The following HECTD3 variants were observed in gnomAD, a reference collection of about 807,000 sequenced individuals.
HECTD3 encodes HECT domain E3 ubiquitin protein ligase 3.
In HECTD3, 72 loss-of-function variants were observed where a neutral mutation model predicts 109.3. That is an observed-to-expected ratio of 0.66 (90% CI 0.54 to 0.80). The LOEUF (loss-of-function observed/expected upper bound fraction) is 0.80. Among genes scored for constraint, HECTD3 ranks in the 30% least tolerant of loss-of-function variants. The pLI is 0.00. For synonymous variants in HECTD3, 481 were observed against 471.8 expected, an observed-to-expected ratio of 1.02 and a Z score of -0.25; for missense variants, 1,041 against 1,165.2, an observed-to-expected ratio of 0.89 and a Z score of 1.55.
In HECTD3 at chr1:45,006,645, C is replaced by A; in HGVS notation, c.1725+47G>T. 6.6e-7 allele frequency: 1 copy of A among 1,522,220 alleles called. No individual in the cohort carries two copies. The highest frequency in any genetic ancestry group is 1.2e-5 in the South Asian group (1 of 84,960). 94.3% of individuals were successfully genotyped at this position (1,522,220 alleles called of 1,614,324 possible). A position where few individuals can be genotyped will look rare whatever the true frequency, so the allele number is the denominator to read the frequency against. Reference sequence around the variant, plus strand: ...GCCCCCTCCTCTGCCCCCTTTCTAGCTCAATCTGGCACCTGGGAGGTTTGC... The same window carrying A: ...GCCCCCTCCTCTGCCCCCTTTCTAGATCAATCTGGCACCTGGGAGGTTTGC... On this transcript the variant is annotated intron_variant, in intron 13 of 20. Transcript: ENST00000372172. This position sits in a 1 kb window ranked among gnomAD's most constrained non-coding sequence, Gnocchi z 4.7.
chr1:45,010,324 G>A (rs1181430374), intron 2 of HECTD3, 31 bp from the exon 3 acceptor site: 16 of 1,599,576 alleles, frequency 1.0e-5, no homozygotes, highest in Non-Finnish European at 1.4e-5. Context: ...GTGGGATGGG[G>A]AGACATCAGC....
Position 45,008,335 on chromosome 1 carries a change from AT to A in HECTD3, c.1239-15del. On this transcript the variant is annotated splice_polypyrimidine_tract_variant and intron_variant, in intron 8 of 20. Coordinates refer to ENST00000372172, the MANE Select transcript of HECTD3 (RefSeq NM_024602.6). ...ATCTTGATGAATCTGGCATGGGTAG[AT>A]AGACTGCAGCTAAAGAGTTTAGCAT... 6.2e-7 allele frequency: 1 copy of A among 1,609,220 alleles called. No individual in the cohort carries two copies. Among genetic ancestry groups the A allele is most frequent in the East Asian group, 2.2e-5 (1 of 44,844 alleles).
At chr1:45,005,533 G>C in intron 15 of HECTD3, 1 of 381,468 alleles carries the variant, frequency 2.6e-6, no homozygotes, top group Non-Finnish European at 4.7e-6. Context: ...AGAAGATAAA[G>C]AACACACTGA....
chr1:45,005,676 G>T (rs979346581), intron 15 of HECTD3, 118 bp downstream of exon 15: 12 of 779,606 alleles, frequency 1.5e-5, no homozygotes, highest in Non-Finnish European at 2.5e-5. Context: ...AGCCATGGGA[G>T]TGGATGGATT....
chr1:45,007,410 G>A lies in HECTD3; in HGVS notation c.1503+3C>T, dbSNP rs1192001748. The A allele has an allele frequency of 1.9e-6, 3 of 1,613,978 alleles. No individual in the cohort carries two copies. The highest frequency in any genetic ancestry group is 2.5e-6 in the Non-Finnish European group (3 of 1,180,002). On this transcript the variant is annotated splice_donor_region_variant and intron_variant, in intron 10 of 20. Coordinates refer to ENST00000372172, the MANE Select transcript of HECTD3 (RefSeq NM_024602.6). ...TCTCAGTCGGACCCTAGGTGGTGCA[G>A]ACCTGGGTGAAGACTGCATTCTTGC...
rs1644737329 is a variant in HECTD3, at chr1:45,006,554, G to A, written c.1725+138C>T. 8 of 674,214 alleles carry A rather than the reference G, an allele frequency of 1.2e-5. No homozygotes were observed. In the South Asian group the frequency reaches 1.2e-4, roughly 10 times the overall value. 41.8% of individuals were successfully genotyped at this position (674,214 alleles called of 1,614,324 possible). ...CCTGACCTCGTGATCTGCCCGCCTC[G>A]GCTTCCCAAAGTGCTGGGATTACAG... On this transcript the variant is annotated intron_variant, in intron 13 of 20. Transcript: ENST00000372172. The surrounding 1 kb of genome is among the most constrained non-coding windows in gnomAD (Gnocchi z 4.7).
At position 45,007,005 on chromosome 1, in the gene HECTD3, G is replaced by A. The variant is rs372991421; in HGVS notation, c.1567C>T (p.Arg523Cys). 1.2e-5 allele frequency: 20 copies of A among 1,613,932 alleles called. No individual in the cohort carries two copies. The highest frequency in any genetic ancestry group is 1.5e-5 in the Non-Finnish European group (18 of 1,180,032). ...EKPLDYRWPMRYDQWWECKFI... is the reference protein window; with the variant it reads ...EKPLDYRWPMCYDQWWECKFI... ...TTACACTCCCACCACTGGTCATAGC[G>A]CATGGGCCACCTGCAAAAAACGTGG... is the stretch of plus-strand genomic sequence containing the variant. The change falls in exon 12 of 21, where the codon CGC becomes TGC. Residue 523 changes from arginine (R) to cysteine (C), a missense_variant. Transcript: ENST00000372172.
rs934954197 is a variant in HECTD3, at chr1:45,006,496, G to T, written c.1725+196C>A. On this transcript the variant is annotated intron_variant, in intron 13 of 20. Transcript: ENST00000372172. This position sits in a 1 kb window ranked among gnomAD's most constrained non-coding sequence, Gnocchi z 4.7. ...AATTTTTTATTTTTATAGAGATGGGGCTTCACTTCATTGGCCAGGCTGGTC... is the reference window on the plus strand; with the variant it reads ...AATTTTTTATTTTTATAGAGATGGGTCTTCACTTCATTGGCCAGGCTGGTC... 6.6e-6 allele frequency among the ~76,000 whole-genome samples: 1 copy of T among 152,052 alleles called. No homozygotes were observed. The highest frequency in any genetic ancestry group is 2.4e-5 in the African/African-American group (1 of 41,378).
Position 45,009,367 on chromosome 1 carries a change from A to G in HECTD3, c.989+2T>C. The stretch of plus-strand genomic sequence containing the variant: ...CTTCCCTCCCCAGGCCAGCGTGCTC[A>G]CTCGTCAATGCTCACGTCACTCAGC... On this transcript the variant is annotated splice_donor_variant, in intron 6 of 20. Coordinates refer to ENST00000372172, the MANE Select transcript of HECTD3 (RefSeq NM_024602.6). LOFTEE classifies it high-confidence loss of function. 1 of 1,608,154 alleles carries G rather than the reference A, an allele frequency of 6.2e-7. No individual in the cohort carries two copies. Among genetic ancestry groups the G allele is most frequent in the Non-Finnish European group, 8.5e-7 (1 of 1,175,170 alleles).
intron 15 of HECTD3, chr1:45,005,020 T>C (rs1397749175): frequency 1.7e-6 from 1 of 601,862 alleles, no homozygotes; most frequent in Non-Finnish European, 3.0e-6. Context: ...TGGAAAATGG[T>C]GTCTCAGCTG....
Position 45,010,011 on chromosome 1 carries a change from T to C in HECTD3, c.734A>G (p.Glu245Gly), listed in dbSNP as rs1368660586. 1 of 1,548,406 alleles carries C rather than the reference T, an allele frequency of 6.5e-7. No individual in the cohort carries two copies. The highest frequency in any genetic ancestry group is 8.7e-7 in the Non-Finnish European group (1 of 1,144,184). ...CGTGTAGGAGGAAACGTCTATGCTC[T>C]CCACATACTGCTTCACGCTACCCAG... ...ENLGSVKQYV[E>G]SIDVSSYTEE... Residue 245 changes from glutamate (E) to glycine (G), a missense_variant, in exon 4 of 21, where the codon GAG (glutamate) becomes GGG (glycine). By Grantham distance (98) the Glu-to-Gly change is moderately conservative (BLOSUM62 -2). Coordinates refer to ENST00000372172, the MANE Select transcript of HECTD3 (RefSeq NM_024602.6).
In HECTD3 at chr1:45,007,448, G is replaced by T; in HGVS notation, c.1468C>A (p.Arg490=). The change falls in exon 10 of 21, where the codon CGA becomes AGA. Residue 490 remains arginine (R), a synonymous_variant. Coordinates refer to ENST00000372172, the MANE Select transcript of HECTD3 (RefSeq NM_024602.6). ...ACTGCATTCTTGCAGGCAGGGTCTC[G>T]AGAGGGGCAGGCACGGTGTTCCATG... ...LAMEHRACPS[R]DPACKNAVFT... 1 of 1,614,152 alleles carries T rather than the reference G, an allele frequency of 6.2e-7. No homozygotes were observed. The highest frequency in any genetic ancestry group is 8.5e-7 in the Non-Finnish European group (1 of 1,180,038).
In HECTD3 at chr1:45,011,135, A is replaced by C. The variant is rs2148980204; in HGVS notation, c.123T>G (p.Ala41=). 1 of 1,507,268 alleles carries C rather than the reference A, an allele frequency of 6.6e-7. No individual in the cohort carries two copies. The allele number at this position is 1,507,268 out of a possible 1,614,324, so 93.4% of individuals were successfully genotyped here. Residue 41 remains alanine (A), a synonymous_variant, in exon 1 of 21, where the codon GCT becomes GCG. Coordinates refer to ENST00000372172, the MANE Select transcript of HECTD3 (RefSeq NM_024602.6). ...RAGRPLPAAL[A]FVPREVLYKL... ...TGTAGAGCACCTCTCGCGGCACGAAAGCCAGCGCTGCTGGCAGCGGCCGCC... is the reference window on the plus strand; with the variant it reads ...TGTAGAGCACCTCTCGCGGCACGAACGCCAGCGCTGCTGGCAGCGGCCGCC...
At position 45,006,856 on chromosome 1, in the gene HECTD3, G is replaced by A; in HGVS notation, c.1622-61C>T. On this transcript the variant is annotated intron_variant, in intron 12 of 20. Coordinates refer to ENST00000372172, the MANE Select transcript of HECTD3 (RefSeq NM_024602.6). This position sits in a 1 kb window ranked among gnomAD's most constrained non-coding sequence, Gnocchi z 4.7. ...AGCCCAGCTCCCATAATGGGGTAAT[G>A]AATAGGTCCCCCATCATCATTAGCT... 3 of 1,578,316 alleles carry A rather than the reference G, an allele frequency of 1.9e-6. No homozygotes were observed. The highest frequency in any genetic ancestry group is 2.2e-5 in the East Asian group (1 of 44,704).
At chr1:45,005,451 G>C in intron 15 of HECTD3, 1 of 250,664 alleles carries the variant, frequency 4.0e-6, no homozygotes, top group Non-Finnish European at 7.7e-6. Context: ...TGGCCCTGTG[G>C]GCTTTGGGAT....
chr1:45,009,416 C>A lies in HECTD3; in HGVS notation c.942G>T (p.Gly314=). 1 of 1,614,152 alleles carries A rather than the reference C, an allele frequency of 6.2e-7. No homozygotes were observed. Among genetic ancestry groups the A allele is most frequent in the South Asian group, 1.1e-5 (1 of 91,080 alleles). The change falls in exon 6 of 21, where the codon GGG becomes GGT. Residue 314 remains glycine (G), a synonymous_variant. Transcript: ENST00000372172. The part of the protein sequence containing the change: ...NFMPKRVVVY[G]GEGDNLKKLS... ...GCTTCTTCAGGTTGTCCCCTTCACC[C>A]CCATAGACCACCACCCGCTTTGGCA... is the stretch of plus-strand genomic sequence containing the variant.
chr1:45,005,703 T>C, intron 15 of HECTD3, 91 bp downstream of exon 15: 3 of 984,048 alleles, frequency 3.0e-6, no homozygotes, highest in South Asian at 1.7e-5. Context: ...GGATCTTGTG[T>C]GTGGTGAAAG....
Position 45,006,200 on chromosome 1 carries a change from G to GGGAACATTTTCCACTA in HECTD3, c.1726-100_1726-85dup. The GGGAACATTTTCCACTA allele has an allele frequency of 1.3e-6, 2 of 1,534,074 alleles. No homozygotes were observed. On this transcript the variant is annotated intron_variant, in intron 13 of 20. Transcript: ENST00000372172. This position sits in a 1 kb window ranked among gnomAD's most constrained non-coding sequence, Gnocchi z 4.7. ...AAGACTTCCCTGAACATTTTCCACTGGGAACATTTTCCACTAAATGATCCC... is the reference window on the plus strand; with the variant it reads ...AAGACTTCCCTGAACATTTTCCACTGGGAACATTTTCCACTAGGAACATTTTCCACTAAATGATCCC...
rs1156558386 is a variant in HECTD3 at position 45,011,110 on chromosome 1, T to G, written c.148A>C (p.Lys50Gln). The change falls in exon 1 of 21, where the codon AAG (lysine) becomes CAG (glutamine). Residue 50 changes from lysine to glutamine, a missense_variant. By Grantham distance (53) the Lys-to-Gln change is moderately conservative. Transcript: ENST00000372172. ...LAFVPREVLY[K>Q]LYKDPAGPSR... The stretch of plus-strand genomic sequence containing the variant: ...GGTCCCGCTGGGTCCTTGTAAAGCT[T>G]GTAGAGCACCTCTCGCGGCACGAAA... 2 of 1,512,174 alleles carry G rather than the reference T, an allele frequency of 1.3e-6. No homozygotes were observed. The highest frequency in any genetic ancestry group is 2.1e-5 in the Admixed American group (1 of 46,628). 93.7% of individuals were successfully genotyped at this position (1,512,174 alleles called of 1,614,324 possible).
Sources: allele counts gnomAD v4.1 joint callset (sites outside exome capture counted in the v4.1 genomes callset), GRCh38; gene constraint gnomAD v4.1.1; non-coding constraint Gnocchi (gnomAD v3.1); transcripts MANE v1.5; gene names NCBI Gene and HGNC (gene_info 2026-07-23, HGNC 2026-07-21).